Variants in PCDHA2 observed in about 807,000 individuals in gnomAD.
The protein encoded by PCDHA2 is protocadherin alpha 2.
A neutral mutation model predicts 66.0 loss-of-function variants in PCDHA2; 58 were observed. That is an observed-to-expected ratio of 0.88 (90% CI 0.71 to 1.09). The LOEUF is 1.09. PCDHA2 is among the 50% of genes least tolerant of loss of function. PCDHA2 has a pLI of 0.00. For synonymous variants in PCDHA2, 634 were observed against 554.0 expected (o/e 1.14, Z -2.03); for missense variants, 1,267 against 1,242.3 (o/e 1.02, Z -0.30).
At chr5:140,906,963 G>C (rs150934602) in intron 1 of PCDHA2, among the ~76,000 whole-genome samples, 2 of 152,216 alleles carry the variant, frequency 1.3e-5, no homozygotes, top group African/African-American at 4.8e-5. Context: ...TAATGGAATC[G>C]TGGTTGTGTC....
At chr5:140,913,789 T>C (rs2076466373) in intron 1 of PCDHA2, among the ~76,000 whole-genome samples, 1 of 152,176 alleles carries the variant, frequency 6.6e-6, no homozygotes, top group African/African-American at 2.4e-5. Context: ...CCATTATCAT[T>C]TGTTTGAATC....
At chr5:140,904,957 A>G (rs2071509370) in intron 1 of PCDHA2, among the ~76,000 whole-genome samples, 1 of 152,156 alleles carries the variant, frequency 6.6e-6, no homozygotes, top group African/African-American at 2.4e-5. Flanking sequence ...TGTCTGATGC[A>G]GAATTTGTGA....
At chr5:140,802,305 G>A (rs1290587407) in intron 1 of PCDHA2, 2 of 1,614,200 alleles carry the variant, frequency 1.2e-6, no homozygotes. Context: ...CACAGTCATC[G>A]CTCTGATCAG....
rs563178599 is a variant in PCDHA2, at chr5:140,863,384, C to G, written c.2388+66032C>G. The G allele has an allele frequency of 5.4e-5, 56 of 1,044,914 alleles. No homozygotes were observed. In the South Asian group the frequency reaches 6.5e-4, roughly 12 times the overall value. The allele number at this position is 1,044,914 out of a possible 1,614,324, so 64.7% of individuals were successfully genotyped here. On this transcript the variant is annotated intron_variant, in intron 1 of 3. Coordinates refer to ENST00000526136, the MANE Select transcript of PCDHA2 (RefSeq NM_018905.3). ...TGCTTGGCGCAGCTCACCGAGAGCT[C>G]GTGCATGCCGGGCAAGCCCACGCTG... is the stretch of plus-strand genomic sequence containing the variant.
intron 1 of PCDHA2, among the ~76,000 whole-genome samples, chr5:140,912,293 C>T (rs1231004722): frequency 6.6e-6 from 1 of 152,110 alleles, no homozygotes; most frequent in Admixed American, 6.6e-5. Flanking sequence ...AATACTTTGC[C>T]TCCTGTAATC....
intron 1 of PCDHA2, among the ~76,000 whole-genome samples, chr5:140,956,861 A>T (rs2095316106): frequency 6.6e-6 from 1 of 152,194 alleles, no homozygotes; most frequent in Non-Finnish European, 1.5e-5. Flanking sequence ...TGGTTGAATG[A>T]ATGTGTGAAA....
intron 1 of PCDHA2, among the ~76,000 whole-genome samples, chr5:140,978,417 A>G (rs2096800848): frequency 6.6e-6 from 1 of 152,158 alleles, no homozygotes. Context: ...CAGAAAAGAG[A>G]CTGTTATCAG....
At chr5:140,799,909 G>A (rs751160950) in intron 1 of PCDHA2, among the ~76,000 whole-genome samples, 1 of 151,916 alleles carries the variant, frequency 6.6e-6, no homozygotes, top group Non-Finnish European at 1.5e-5. Context: ...CAAATGCGGC[G>A]AGAATTCATG....
At chr5:140,836,946 C>T (rs2150271412) in intron 1 of PCDHA2, 6 of 445,876 alleles carry the variant, frequency 1.3e-5, no homozygotes, top group Admixed American at 4.0e-5. Flanking sequence ...AGATCAAAAT[C>T]TATGGTTTAT....
Position 140,917,751 on chromosome 5 carries a change from A to G in PCDHA2, c.2389-61198A>G, listed in dbSNP as rs577892904. On this transcript the variant is annotated intron_variant, in intron 1 of 3. Coordinates refer to ENST00000526136, the MANE Select transcript of PCDHA2 (RefSeq NM_018905.3). ...GTTCTCTAACCTGTCCCATTGGTCT[A>G]TGTGTCTGTTTTTGTATTAGTACCA... is the stretch of plus-strand genomic sequence containing the variant. Among the ~76,000 whole-genome samples the G allele has an allele frequency of 3.7e-4, 56 of 152,178 alleles. 2 individuals are homozygous for G. The highest frequency in any genetic ancestry group is 1.3e-3 in the African/African-American group (55 of 41,522).
At chr5:140,837,369 AT>A (rs1376058835) in intron 1 of PCDHA2, among the ~76,000 whole-genome samples, 1 of 151,978 alleles carries the variant, frequency 6.6e-6, no homozygotes, top group Non-Finnish European at 1.5e-5. Context: ...GTTTAATAGT[AT>A]TTTTTATTTT....
chr5:140,829,166 G>C lies in PCDHA2; in HGVS notation c.2388+31814G>C, dbSNP rs2150163292. 5 of 1,614,104 alleles carry C rather than the reference G, an allele frequency of 3.1e-6. No homozygotes were observed. The South Asian group carries it at 5.5e-5, about 18-fold the overall frequency. ...AGCACTGACTTCCTTATCCTTGCCT[G>C]TACGTGAAGACGCTCAATTTGGTAC... On this transcript the variant is annotated intron_variant, in intron 1 of 3. Coordinates refer to ENST00000526136, the MANE Select transcript of PCDHA2 (RefSeq NM_018905.3).
chr5:140,974,221 T>A (rs75147433), intron 1 of PCDHA2, among the ~76,000 whole-genome samples: 1,739 of 152,246 alleles, frequency 0.011, 25 homozygotes, highest in Non-Finnish European at 0.017. Context: ...TAAAGAGAAA[T>A]CTTAGTTCCT....
chr5:140,842,933 C>A (rs1356851691), intron 1 of PCDHA2: 6 of 1,594,424 alleles, frequency 3.8e-6, no homozygotes, highest in Non-Finnish European at 4.3e-6. Context: ...GGTGAGCGCG[C>A]GCGACGCGGG....
intron 1 of PCDHA2, chr5:140,830,414 A>G: frequency 6.2e-7 from 1 of 1,614,162 alleles, no homozygotes; most frequent in Non-Finnish European, 8.5e-7. Flanking sequence ...CTTTAGCCCC[A>G]GCCTTTCACC....
intron 1 of PCDHA2, chr5:140,814,194 A>T (rs1266788072): frequency 1.3e-5 from 2 of 151,392 alleles, no homozygotes; most frequent in African/African-American, 4.9e-5. Context: ...TAATTTTTTT[A>T]TTTTTTTCAC....
chr5:140,969,307 A>C (rs2096316993), intron 1 of PCDHA2: 1 of 1,614,192 alleles, frequency 6.2e-7, no homozygotes, highest in Non-Finnish European at 8.5e-7. Flanking sequence ...TTATTCTCAA[A>C]AATGAGGCTG....
chr5:140,983,629 T>C (rs2097059537), intron 3 of PCDHA2, among the ~76,000 whole-genome samples: 1 of 152,228 alleles, frequency 6.6e-6, no homozygotes, highest in African/African-American at 2.4e-5. Flanking sequence ...TTAAGAAATG[T>C]ACCCAAGTTC....
intron 3 of PCDHA2, among the ~76,000 whole-genome samples, chr5:141,007,733 C>A (rs2098343034): frequency 6.6e-6 from 1 of 152,180 alleles, no homozygotes; most frequent in African/African-American, 2.4e-5. Flanking sequence ...CAAAGGTTAA[C>A]CACTGAAGAT....
Sources: allele counts gnomAD v4.1 joint callset (sites outside exome capture counted in the v4.1 genomes callset), GRCh38; gene constraint gnomAD v4.1.1; transcripts MANE v1.5; gene names NCBI Gene and HGNC (gene_info 2026-07-23, HGNC 2026-07-21).